TTC34: variants seen among roughly 807,000 people sequenced by gnomAD.
TTC34 encodes tetratricopeptide repeat protein 34.
A neutral mutation model predicts 40.7 loss-of-function variants in TTC34; 44 were observed. That is an observed-to-expected ratio of 1.08 (90% CI 0.85 to 1.39). The LOEUF (loss-of-function observed/expected upper bound fraction) is 1.39, where lower values mean the gene tolerates loss of function less well. Ranked by LOEUF, TTC34 falls within the 40% of genes most tolerant of loss-of-function variation. The pLI is 0.00. For synonymous variants in TTC34, 422 were observed against 398.6 expected (o/e 1.06, Z -0.70); for missense variants, 884 against 838.0 (o/e 1.05, Z -0.68).
exon 2 of TTC34, chr1:2,800,378 G>T: frequency 1.8e-5 from 7 of 398,522 alleles, no homozygotes; most frequent in Non-Finnish European, 3.1e-5. Context: ...CCTGCACCCC[G>T]GACAGGACCC....
intron 5 of TTC34, 147 bp from the exon 6 acceptor site, chr1:2,783,922 C>T: frequency 4.0e-6 from 3 of 747,778 alleles, no homozygotes; most frequent in Non-Finnish European, 4.0e-6. Flanking sequence ...CCAAGACAGA[C>T]AGAGACAGGG....
chr1:2,696,819 A>C (rs1193678340), intron 6 of TTC34, among the ~76,000 whole-genome samples: 3 of 58,178 alleles, frequency 5.2e-5, no homozygotes, highest in Non-Finnish European at 7.4e-5. Flanking sequence ...GAGCATCTGA[A>C]CCCACGGAGC....
intron 6 of TTC34, among the ~76,000 whole-genome samples, chr1:2,685,409 G>A (rs1324555973): frequency 4.2e-5 from 6 of 141,362 alleles, no homozygotes; most frequent in East Asian, 2.0e-4. Flanking sequence ...CCACAGGTGA[G>A]CATCGGAGAG....
intron 6 of TTC34, among the ~76,000 whole-genome samples, chr1:2,685,640 CT>C (rs1286980585): frequency 4.9e-4 from 66 of 134,350 alleles, no homozygotes; most frequent in East Asian, 6.5e-4. Context: ...CACCCACACC[CT>C]CAGGTGAGCA....
intron 4 of TTC34, 110 bp from the exon 5 acceptor site, chr1:2,786,133 C>T: frequency 9.9e-7 from 1 of 1,013,168 alleles, no homozygotes; most frequent in Admixed American, 3.8e-5. Flanking sequence ...GCCCCAGGGT[C>T]CACCTGGTGC....
intron 6 of TTC34, among the ~76,000 whole-genome samples, chr1:2,690,114 T>G (rs1640548141): frequency 1.5e-5 from 2 of 136,928 alleles, no homozygotes; most frequent in African/African-American, 2.9e-5. Context: ...GGTGAGTATC[T>G]GACTGCCTGG....
At chr1:2,690,400 C>CA (rs1640563751) in intron 6 of TTC34, among the ~76,000 whole-genome samples, 1 of 62,060 alleles carries the variant, frequency 1.6e-5, no homozygotes, top group South Asian at 5.2e-4. Flanking sequence ...GCATCTGACC[C>CA]AACGGAGCAG....
At chr1:2,644,415 G>C (rs777279674) in exon 8 of TTC34, 1 of 1,536,060 alleles carries the variant, frequency 6.5e-7, no homozygotes, top group South Asian at 1.2e-5. Flanking sequence ...GGCCCGGGCT[G>C]CCTCTGACGT....
At chr1:2,700,163 C>G (rs532131498) in intron 6 of TTC34, among the ~76,000 whole-genome samples, 2 of 97,938 alleles carry the variant, frequency 2.0e-5, no homozygotes, top group African/African-American at 6.3e-5. Flanking sequence ...CCTGGAGCAT[C>G]ACATACTCCC....
At chr1:2,677,549 AG>A in intron 6 of TTC34, among the ~76,000 whole-genome samples, 2 of 38,706 alleles carry the variant, frequency 5.2e-5, no homozygotes, top group East Asian at 9.2e-4. Flanking sequence ...AGCAACTGAC[AG>A]CCTGGAGCAG....
At chr1:2,787,529 T>A (rs1287549094) in exon 4 of TTC34, 2 of 1,531,776 alleles carry the variant, frequency 1.3e-6, no homozygotes, top group Admixed American at 4.1e-5. Flanking sequence ...GCAGGGCCAG[T>A]CGTGCCAGCA....
At chr1:2,677,648 C>T (rs938420482) in intron 6 of TTC34, among the ~76,000 whole-genome samples, 2 of 30,798 alleles carry the variant, frequency 6.5e-5, no homozygotes, top group South Asian at 1.9e-3. Context: ...ACAGCACACA[C>T]ACCCCCAGGC....
At position 2,681,994 on chromosome 1, in the gene TTC34, G is replaced by A. The variant is rs1384416616; in HGVS notation, c.2227-36431C>T. 3.9e-4 allele frequency among the ~76,000 whole-genome samples: 48 copies of A among 123,356 alleles called. 3 individuals carry two copies. The highest frequency in any genetic ancestry group is 3.6e-3 in the Admixed American group (46 of 12,898). 80.9% of individuals were successfully genotyped at this position (123,356 alleles called of 152,430 possible). ...TGGAACAGCACCCACACCCCCAGGT[G>A]AGCATCAGACAGCCTGGAACAACAC... On this transcript the variant is annotated intron_variant, in intron 6 of 8. Transcript: ENST00000401095.
chr1:2,687,969 C>G (rs537447821), intron 6 of TTC34, among the ~76,000 whole-genome samples: 2 of 144,798 alleles, frequency 1.4e-5, no homozygotes, highest in Non-Finnish European at 3.0e-5. Flanking sequence ...ACGCGCACCC[C>G]CAGGAGAGCA....
intron 6 of TTC34, among the ~76,000 whole-genome samples, chr1:2,756,977 G>C (rs1641527490): frequency 0.01 from 1,339 of 128,608 alleles, no homozygotes; most frequent in South Asian, 0.02. Flanking sequence ...GACTGGAACA[G>C]CACCCACACG....
At chr1:2,774,178 C>A (rs1642826508) in intron 6 of TTC34, 1 of 144,764 alleles carries the variant, frequency 6.9e-6, no homozygotes, top group African/African-American at 2.5e-5. Flanking sequence ...GAACAGAACC[C>A]CAGGCCTCCC....
chr1:2,694,708 C>A (rs1261629863), intron 6 of TTC34, among the ~76,000 whole-genome samples: 2 of 82,906 alleles, frequency 2.4e-5, no homozygotes, highest in African/African-American at 7.7e-5. Flanking sequence ...GCAGCACCCA[C>A]AACCACAGGT....
At chr1:2,793,026 A>G (rs568169695) in intron 2 of TTC34, among the ~76,000 whole-genome samples, 16 of 152,378 alleles carry the variant, frequency 1.1e-4, no homozygotes, top group Admixed American at 3.3e-4. Context: ...TCTGTGGGAC[A>G]TGTAGGCAAG....
intron 6 of TTC34, among the ~76,000 whole-genome samples, chr1:2,756,757 G>C: frequency 7.4e-6 from 1 of 135,566 alleles, no homozygotes; most frequent in Non-Finnish European, 1.5e-5. Flanking sequence ...CCCCAGTTGA[G>C]CATCTGACAG....
Sources: gnomAD v4.1 joint callset for allele counts (sites outside exome capture counted in the v4.1 genomes callset) on GRCh38, gnomAD v4.1.1 for gene constraint, MANE v1.5 for transcripts, NCBI Gene and HGNC (gene_info 2026-07-23, HGNC 2026-07-21) for gene names.